ANO5: variants seen among roughly 807,000 people sequenced by gnomAD.
ANO5 encodes anoctamin-5.
In ANO5, 109 loss-of-function variants were observed where a neutral mutation model predicts 121.0. The ratio of observed to expected loss-of-function variants is 0.90; its 90% CI spans 0.77 to 1.06. ANO5 has a LOEUF of 1.06. Among genes scored for constraint, ANO5 ranks in the 50% least tolerant of loss-of-function variants. ANO5 has a pLI of 0.00. For missense variants in ANO5, 1,064 were observed against 1,078.5 expected (o/e 0.99, Z 0.19); for synonymous variants, 406 against 359.9 (o/e 1.13, Z -1.45).
intron 7 of ANO5, among the ~76,000 whole-genome samples, chr11:22,232,790 T>A (rs1853084155): frequency 6.6e-6 from 1 of 151,968 alleles, no homozygotes. Context: ...TCTTATAACC[T>A]AAGTATCTAT....
chr11:22,246,810 C>A (rs1314765942), intron 9 of ANO5, among the ~76,000 whole-genome samples: 1 of 141,780 alleles, frequency 7.1e-6, no homozygotes, highest in African/African-American at 2.7e-5. Flanking sequence ...GAGCCGAGAT[C>A]GCACCACTAC....
chr11:22,193,589 C>T (rs1310408681), intron 1 of ANO5, 57 bp downstream of exon 1: 1 of 1,585,090 alleles, frequency 6.3e-7, no homozygotes, highest in African/African-American at 1.3e-5. Flanking sequence ...TGCACCCCTC[C>T]ACCCGCGGCG....
intron 5 of ANO5, among the ~76,000 whole-genome samples, chr11:22,221,778 TACTC>T (rs2133591206): frequency 6.6e-6 from 1 of 152,138 alleles, no homozygotes; most frequent in South Asian, 2.1e-4. Flanking sequence ...ACTCAATAAA[TACTC>T]AATATTTGAA....
chr11:22,206,524 G>C (rs1024794666), intron 2 of ANO5, among the ~76,000 whole-genome samples: 1 of 152,034 alleles, frequency 6.6e-6, no homozygotes, highest in Non-Finnish European at 1.5e-5. Flanking sequence ...ACGTTGGTCA[G>C]GCTGGTCTCG....
chr11:22,262,693 A>G (rs1169685396), intron 16 of ANO5, among the ~76,000 whole-genome samples: 1 of 152,178 alleles, frequency 6.6e-6, no homozygotes, highest in Non-Finnish European at 1.5e-5. Flanking sequence ...TAACCCAGAT[A>G]TAAAGAACTC....
chr11:22,224,354 A>G (rs549959838), intron 5 of ANO5, among the ~76,000 whole-genome samples: 71 of 152,200 alleles, frequency 4.7e-4, no homozygotes, highest in African/African-American at 1.6e-3. Context: ...CATACCTTCA[A>G]TAAGGTACTG....
chr11:22,281,371 A>T lies in ANO5; in HGVS notation c.*1606A>T, dbSNP rs1855070634. 6.6e-6 allele frequency: 1 copy of T among 152,068 alleles called. No individual in the cohort carries two copies. Among genetic ancestry groups the T allele is most frequent in the Non-Finnish European group, 1.5e-5 (1 of 67,920 alleles). The allele number at this position is 152,068 out of a possible 1,614,324, so 9.4% of individuals were successfully genotyped here. A position where few individuals can be genotyped will look rare whatever the true frequency, so the allele number is the denominator to read the frequency against. ...CTGGGGATTATGGATTTTATAAACT[A>T]TGAGACAGTCACCCCAGTTTGGACT... On this transcript the variant is annotated 3_prime_UTR_variant, in exon 22 of 22. Coordinates refer to ENST00000324559, the MANE Select transcript of ANO5 (RefSeq NM_213599.3).
At chr11:22,196,506 T>TTG (rs1320237428) in intron 1 of ANO5, among the ~76,000 whole-genome samples, 2 of 151,584 alleles carry the variant, frequency 1.3e-5, no homozygotes, top group Non-Finnish European at 2.9e-5. Flanking sequence ...TGAGAGTTTT[T>TTG]TTTTTTTTTT....
intron 19 of ANO5, among the ~76,000 whole-genome samples, chr11:22,274,123 CAT>C (rs1317772360): frequency 3.3e-5 from 5 of 151,714 alleles, no homozygotes; most frequent in Non-Finnish European, 7.4e-5. Flanking sequence ...TTTACAAACA[CAT>C]GATATTCTGC....
chr11:22,253,480 A>G (rs2133715038), intron 12 of ANO5, among the ~76,000 whole-genome samples: 1 of 152,264 alleles, frequency 6.6e-6, no homozygotes, highest in Non-Finnish European at 1.5e-5. Flanking sequence ...TTGCATAGCC[A>G]TAGTAACCAA....
intron 18 of ANO5, among the ~76,000 whole-genome samples, chr11:22,272,016 A>T (rs1377243833): frequency 1.3e-5 from 2 of 152,040 alleles, no homozygotes; most frequent in African/African-American, 2.4e-5. Context: ...AATAACGGAA[A>T]TTTTTTTCCT....
intron 12 of ANO5, among the ~76,000 whole-genome samples, chr11:22,252,382 G>A (rs766383171): frequency 6.6e-6 from 1 of 152,136 alleles, no homozygotes; most frequent in Admixed American, 6.6e-5. Context: ...TCCATTGAGA[G>A]AGATTGTGCA....
In ANO5 at chr11:22,259,558, TA is replaced by T; in HGVS notation, c.1448del (p.Tyr483SerfsTer19). 6.2e-7 allele frequency: 1 copy of T among 1,614,174 alleles called. No homozygotes were observed. The highest frequency in any genetic ancestry group is 8.5e-7 in the Non-Finnish European group (1 of 1,180,006). On this transcript the variant is annotated frameshift_variant, in exon 15 of 22. Coordinates refer to ENST00000324559, the MANE Select transcript of ANO5 (RefSeq NM_213599.3). LOFTEE classifies it high-confidence loss of function. ...CACCAGTATGGTAGCTGTAATTGTGTACCGCCTGTCAGTCTTTGCTACATTT... is the reference window on the plus strand; with the variant it reads ...CACCAGTATGGTAGCTGTAATTGTGTCCGCCTGTCAGTCTTTGCTACATTT... The part of the protein sequence containing the change: ...VVTSMVAVIV[Y>X]RLSVFATFAS...
rs10525160 is a variant in ANO5, at chr11:22,252,029, C to CAAAAAAAA, written c.1180+1041_1180+1048dup. On this transcript the variant is annotated intron_variant, in intron 12 of 21. Transcript: ENST00000324559. Reference sequence around the variant, plus strand: ...TGAGAGACAGAGCAAGACGCCGTCTCAAAAAAAAAAAAAAAAAAAAAAAAA... The same window carrying CAAAAAAAA: ...TGAGAGACAGAGCAAGACGCCGTCTCAAAAAAAAAAAAAAAAAAAAAAAAAAAAAAAAA... Among the ~76,000 whole-genome samples, 16 of 45,858 alleles carry CAAAAAAAA rather than the reference C, an allele frequency of 3.5e-4. 1 individual carries two copies. The highest frequency in any genetic ancestry group is 9.4e-4 in the African/African-American group (14 of 14,924). 30.1% of individuals were successfully genotyped at this position (45,858 alleles called of 152,430 possible).
At chr11:22,197,072 A>C (rs1298374716) in intron 1 of ANO5, among the ~76,000 whole-genome samples, 1 of 152,172 alleles carries the variant, frequency 6.6e-6, no homozygotes, top group African/African-American at 2.4e-5. Context: ...TGCTTTCTAA[A>C]TCACCTTTAA....
At chr11:22,272,371 GA>G (rs976698139) in intron 18 of ANO5, among the ~76,000 whole-genome samples, 3 of 145,986 alleles carry the variant, frequency 2.1e-5, no homozygotes, top group African/African-American at 7.6e-5. Context: ...TTATACAACT[GA>G]ATCAGTCATC....
At chr11:22,236,993 A>C (rs1406739159) in intron 8 of ANO5, among the ~76,000 whole-genome samples, 1 of 152,070 alleles carries the variant, frequency 6.6e-6, no homozygotes. Flanking sequence ...TACTCAGCCT[A>C]ATTTCTGGGT....
At position 22,227,560 on chromosome 11, in the gene ANO5, T is replaced by C; in HGVS notation, c.622T>C (p.Phe208Leu). The C allele has an allele frequency of 2.5e-6, 4 of 1,613,442 alleles. No homozygotes were observed. The highest frequency in any genetic ancestry group is 3.4e-6 in the Non-Finnish European group (4 of 1,179,672). ...LFLIEDQATF[F>L]PSSSRNRIVY... ...CCTCATCGAAGATCAGGCAACCTTC[T>C]TTCCATCCTCATCAAGAAACAGAAT... The change falls in exon 7 of 22, where the codon TTT (phenylalanine) becomes CTT (leucine). Residue 208 changes from phenylalanine to leucine, a missense_variant. Coordinates refer to ENST00000324559, the MANE Select transcript of ANO5 (RefSeq NM_213599.3).
Position 22,250,927 on chromosome 11 carries a change from ATATTGT to A in ANO5, c.1120-13_1120-8del, listed in dbSNP as rs1564936388. 2 of 1,609,656 alleles carry A rather than the reference ATATTGT, an allele frequency of 1.2e-6. No homozygotes were observed. The highest frequency in any genetic ancestry group is 1.1e-5 in the South Asian group (1 of 90,958). On this transcript the variant is annotated intron_variant, in intron 11 of 21. Transcript: ENST00000324559. The stretch of plus-strand genomic sequence containing the variant: ...CATTTAGTACTAAATTATCTTTGTG[ATATTGT>A]TATTGTTATTTTTACAGTTCTCCCA...
Sources: allele counts gnomAD v4.1 joint callset (sites outside exome capture counted in the v4.1 genomes callset), GRCh38; gene constraint gnomAD v4.1.1; transcripts MANE v1.5; gene names NCBI Gene and HGNC (gene_info 2026-07-23, HGNC 2026-07-21).